HIKESHI: variants seen among roughly 807,000 people sequenced by gnomAD.
HIKESHI encodes heat shock protein nuclear import factor hikeshi.
In HIKESHI, 13 loss-of-function variants were observed where a neutral mutation model predicts 25.7. That is an observed-to-expected ratio of 0.51 (90% CI 0.33 to 0.80). The LOEUF is 0.80. Among genes scored for constraint, HIKESHI ranks in the 30% least tolerant of loss-of-function variants. The pLI is 0.02. For synonymous variants in HIKESHI, 76 were observed against 78.7 expected, an observed-to-expected ratio of 0.97 and a Z score of 0.18; for missense variants, 174 against 229.5, an observed-to-expected ratio of 0.76 and a Z score of 1.56.
intron 2 of HIKESHI, among the ~76,000 whole-genome samples, chr11:86,328,425 A>C: frequency 6.9e-6 from 1 of 145,106 alleles, no homozygotes; most frequent in African/African-American, 2.6e-5. Flanking sequence ...TGCGCAGCTA[A>C]TGTTTTTTGT....
At chr11:86,336,728 C>T (rs1027246519) in intron 2 of HIKESHI, among the ~76,000 whole-genome samples, 1 of 152,144 alleles carries the variant, frequency 6.6e-6, no homozygotes, top group Admixed American at 6.5e-5. Flanking sequence ...ACATTAACCA[C>T]ATTTAAGAAG....
Position 86,337,543 on chromosome 11 carries a change from A to AC in HIKESHI, c.420+14dup. On this transcript the variant is annotated intron_variant, in intron 3 of 4. Coordinates refer to ENST00000278483, the MANE Select transcript of HIKESHI (RefSeq NM_016401.4). ...CTCATTCACTCAGGTAATGCAACAT[A>AC]CATTTCATTCTTTACCTCCCCCTCC... is the stretch of plus-strand genomic sequence containing the variant. The AC allele has an allele frequency of 1.2e-6, 2 of 1,608,112 alleles. No individual in the cohort carries two copies. The highest frequency in any genetic ancestry group is 8.5e-7 in the Non-Finnish European group (1 of 1,177,764).
chr11:86,315,131 A>G (rs1357705762), intron 2 of HIKESHI, among the ~76,000 whole-genome samples: 1 of 152,214 alleles, frequency 6.6e-6, no homozygotes, highest in Non-Finnish European at 1.5e-5. Flanking sequence ...TGTAAGTAGA[A>G]AAATATAAAT....
At chr11:86,345,515 T>C (rs1448447306) in intron 4 of HIKESHI, 69 bp from the exon 5 acceptor site, 3 of 864,826 alleles carry the variant, frequency 3.5e-6, no homozygotes, top group Non-Finnish European at 3.7e-6. Context: ...GGATAAGTCA[T>C]TTGGCAGTTA....
At chr11:86,317,364 T>C (rs1947015255) in intron 2 of HIKESHI, among the ~76,000 whole-genome samples, 1 of 151,790 alleles carries the variant, frequency 6.6e-6, no homozygotes, top group African/African-American at 2.4e-5. Flanking sequence ...GTGAATGATC[T>C]AAGTATTTAA....
intron 2 of HIKESHI, among the ~76,000 whole-genome samples, chr11:86,319,236 A>ATTTTTTTT (rs1279354045): frequency 1.2e-5 from 1 of 82,988 alleles, no homozygotes; most frequent in Non-Finnish European, 2.2e-5. Context: ...ATATATATAT[A>ATTTTTTTT]TATATATTTT....
At chr11:86,306,986 C>G (rs291249) in intron 2 of HIKESHI, among the ~76,000 whole-genome samples, 1 of 139,094 alleles carries the variant, frequency 7.2e-6, no homozygotes, top group Admixed American at 7.3e-5. Context: ...GGTGACAGAG[C>G]GAGACTCTGT....
At chr11:86,317,892 A>T (rs1350433288) in intron 2 of HIKESHI, among the ~76,000 whole-genome samples, 3 of 152,240 alleles carry the variant, frequency 2.0e-5, no homozygotes, top group African/African-American at 7.2e-5. Flanking sequence ...AGAGTTTCAA[A>T]TAAAATTTAT....
intron 2 of HIKESHI, among the ~76,000 whole-genome samples, chr11:86,319,242 A>ATATATATATATATTT (rs1383589741): frequency 1.1e-5 from 1 of 94,952 alleles, no homozygotes; most frequent in African/African-American, 4.6e-5. Context: ...ATATATATAT[A>ATATATATATATATTT]TTTTTTTTTT....
At position 86,338,138 on chromosome 11, in the gene HIKESHI, T is replaced by C. The variant is rs138273771; in HGVS notation, c.420+608T>C. Among the ~76,000 whole-genome samples the C allele has an allele frequency of 3.3e-3, 505 of 152,326 alleles. 6 individuals carry two copies. Among genetic ancestry groups the C allele is most frequent in the Middle Eastern group, 0.017 (5 of 294 alleles). On this transcript the variant is annotated intron_variant, in intron 3 of 4. Transcript: ENST00000278483. ...TCAGAATTTATTCATTCCATTGAAC[T>C]GAAACTTTGTGCCCTTTGACCAACA...
chr11:86,317,620 T>C lies in HIKESHI; in HGVS notation c.268+11138T>C, dbSNP rs185039943. ...GGGAGTTCGAGACCAGCCTGGCCAA[T>C]ATGGTGAAACCTTGTCTGTACTAAA... is the stretch of plus-strand genomic sequence containing the variant. On this transcript the variant is annotated intron_variant, in intron 2 of 4. Transcript: ENST00000278483. Among the ~76,000 whole-genome samples the C allele has an allele frequency of 9.5e-4, 144 of 151,936 alleles. 1 individual carries two copies. Among genetic ancestry groups the C allele is most frequent in the Non-Finnish European group, 1.2e-3 (81 of 67,920 alleles).
chr11:86,316,721 G>A (rs964867452), intron 2 of HIKESHI, among the ~76,000 whole-genome samples: 19 of 140,882 alleles, frequency 1.3e-4, no homozygotes, highest in Non-Finnish European at 3.1e-5. Flanking sequence ...TTTAAAGGCA[G>A]CAAACAAAAT....
intron 2 of HIKESHI, among the ~76,000 whole-genome samples, chr11:86,328,393 G>A (rs924970670): frequency 5.3e-5 from 8 of 151,264 alleles, no homozygotes; most frequent in African/African-American, 1.9e-4. Flanking sequence ...TGAGTAGCTG[G>A]GACTACAGGC....
At chr11:86,316,857 A>AGTC (rs1434916462) in intron 2 of HIKESHI, among the ~76,000 whole-genome samples, 4 of 128,874 alleles carry the variant, frequency 3.1e-5, no homozygotes, top group Non-Finnish European at 4.7e-5. Flanking sequence ...GCAGTGGCAC[A>AGTC]GTCTCGGCTC....
intron 3 of HIKESHI, among the ~76,000 whole-genome samples, chr11:86,338,018 C>A (rs1206727317): frequency 1.3e-5 from 2 of 152,142 alleles, no homozygotes; most frequent in Non-Finnish European, 2.9e-5. Flanking sequence ...ACACAGTCAT[C>A]ATTTTTTTGT....
At chr11:86,319,212 T>C (rs291211) in intron 2 of HIKESHI, among the ~76,000 whole-genome samples, 97,701 of 139,028 alleles carry the variant, frequency 0.7, 34,644 homozygotes, top group East Asian at 0.82. Context: ...TGTGCCTGGC[T>C]TAAAAATATA....
At chr11:86,312,943 G>T (rs1229490677) in intron 2 of HIKESHI, among the ~76,000 whole-genome samples, 2 of 152,186 alleles carry the variant, frequency 1.3e-5, no homozygotes, top group African/African-American at 4.8e-5. Flanking sequence ...AGTGAGATGG[G>T]CTTCCCTTTG....
Position 86,309,396 on chromosome 11 carries a change from G to A in HIKESHI, c.268+2914G>A, listed in dbSNP as rs542211866. On this transcript the variant is annotated intron_variant, in intron 2 of 4. Coordinates refer to ENST00000278483, the MANE Select transcript of HIKESHI (RefSeq NM_016401.4). ...TGAGAAGTGTGTGTTCATATCCGTT[G>A]TCCACTTTTTGATGGGGCTGTTTGA... Among the ~76,000 whole-genome samples, 87 of 152,216 alleles carry A rather than the reference G, an allele frequency of 5.7e-4. 1 individual carries two copies. Among genetic ancestry groups the A allele is most frequent in the Non-Finnish European group, 1.1e-3 (75 of 68,014 alleles).
chr11:86,303,098 A>G (rs1043507522), intron 1 of HIKESHI, among the ~76,000 whole-genome samples: 16 of 152,304 alleles, frequency 1.1e-4, no homozygotes, highest in African/African-American at 3.8e-4. Context: ...TTATGGGTCA[A>G]AATAGATAAC....
Sources: allele counts gnomAD v4.1 joint callset (sites outside exome capture counted in the v4.1 genomes callset), GRCh38; gene constraint gnomAD v4.1.1; transcripts MANE v1.5; gene names NCBI Gene and HGNC (gene_info 2026-07-23, HGNC 2026-07-21).